Variants in KCNA10 observed in about 807,000 individuals in gnomAD.
KCNA10 encodes the protein cyclic GMP gated potassium channel.
KCNA10 carries 16 observed loss-of-function variants against 21.4 expected under a neutral mutation model. That is an observed-to-expected ratio of 0.75 (90% CI 0.51 to 1.14). KCNA10 has a LOEUF of 1.14. Ranked by LOEUF, KCNA10 falls within the 50% of genes most tolerant of loss-of-function variation. KCNA10 has a pLI of 0.00. For synonymous variants in KCNA10, 276 were observed against 245.9 expected (o/e 1.12, Z -1.15); for missense variants, 677 against 649.1 (o/e 1.04, Z -0.47).
chr1:110,517,500 T>C lies in KCNA10; in HGVS notation c.1288A>G (p.Thr430Ala), dbSNP rs200653853. The C allele has an allele frequency of 1.7e-4, 272 of 1,614,062 alleles. No individual in the cohort carries two copies. The highest frequency in any genetic ancestry group is 1.6e-4 in the Non-Finnish European group (188 of 1,179,996). Residue 430 changes from threonine to alanine, a missense_variant, in exon 1 of 1, where the codon ACC becomes GCC. Transcript: ENST00000369771. ...CCCACAATCTTCCCCCCTGGGGTGG[T>C]CGGGCACATGTCCCCATAGCCTACA... ...TTVGYGDMCPTTPGGKIVGTL... is the reference protein window; with the variant it reads ...TTVGYGDMCPATPGGKIVGTL...
Position 110,518,419 on chromosome 1 carries a change from G to C in KCNA10, c.369C>G (p.Asp123Glu). Residue 123 changes from aspartate (D) to glutamate (E), a missense_variant, in exon 1 of 1, where the codon GAC (aspartate) becomes GAG (glutamate). Physicochemically the swap from Asp to Glu is conservative, Grantham distance 45. Transcript: ENST00000369771. ...GDREKRMQFF[D>E]SMRNEYFFDR... is the part of the protein sequence containing the mutation. ...CAAAGAAATACTCATTTCTCATGGA[G>C]TCAAAGAACTGCATCCTTTTTTCCC... 3 of 1,614,194 alleles carry C rather than the reference G, an allele frequency of 1.9e-6. No individual in the cohort carries two copies. The highest frequency in any genetic ancestry group is 2.5e-6 in the Non-Finnish European group (3 of 1,180,014).
Position 110,518,826 on chromosome 1 carries a change from C to T in KCNA10, c.-39G>A. Reference sequence around the variant, plus strand: ...GGGAAGAAGCATGAAGATCCTCAGCCTTCACTGCCTGCTGTGAGCTATGGA... The same window carrying T: ...GGGAAGAAGCATGAAGATCCTCAGCTTTCACTGCCTGCTGTGAGCTATGGA... On this transcript the variant is annotated 5_prime_UTR_variant, in exon 1 of 1. Transcript: ENST00000369771. 2 of 1,448,356 alleles carry T rather than the reference C, an allele frequency of 1.4e-6. No homozygotes were observed. Among genetic ancestry groups the T allele is most frequent in the Non-Finnish European group, 9.3e-7 (1 of 1,080,956 alleles). 89.7% of individuals were successfully genotyped at this position (1,448,356 alleles called of 1,614,324 possible). A position where few individuals can be genotyped will look rare whatever the true frequency, so the allele number is the denominator to read the frequency against.
At position 110,518,156 on chromosome 1, in the gene KCNA10, C is replaced by A. The variant is rs764000292; in HGVS notation, c.632G>T (p.Ser211Ile). ...GGCCACAGCACGGGCAGCGCTGGAACTTTCAGGGTACTCAAAGAGGAGCCA... is the reference window on the plus strand; with the variant it reads ...GGCCACAGCACGGGCAGCGCTGGAAATTTCAGGGTACTCAAAGAGGAGCCA... ...QFWLLFEYPE[S>I]SSAARAVAVV... The change falls in exon 1 of 1, where the codon AGT becomes ATT. Residue 211 changes from serine to isoleucine, a missense_variant. Transcript: ENST00000369771. 3.1e-6 allele frequency: 5 copies of A among 1,613,468 alleles called. No homozygotes were observed. The highest frequency in any genetic ancestry group is 2.7e-5 in the African/African-American group (2 of 74,716).
chr1:110,518,587 C>T lies in KCNA10; in HGVS notation c.201G>A (p.Pro67=), dbSNP rs144111598. Residue 67 remains proline (P), a synonymous_variant, in exon 1 of 1, where the codon CCG becomes CCA. Transcript: ENST00000369771. Reference sequence around the variant, plus strand: ...GCCCTGGGGGGTCAGCATAGTCTCCCGGAAGCTTGGAGAAGGCCGTCTCAT... The same window carrying T: ...GCCCTGGGGGGTCAGCATAGTCTCCTGGAAGCTTGGAGAAGGCCGTCTCAT... ...TNHETAFSKL[P]GDYADPPGPE... is the part of the protein sequence containing the mutation. 61 of 1,614,032 alleles carry T rather than the reference C, an allele frequency of 3.8e-5. No individual in the cohort carries two copies. The highest frequency in any genetic ancestry group is 2.4e-4 in the African/African-American group (18 of 74,900).
chr1:110,518,247 C>CT lies in KCNA10; in HGVS notation c.540_541insA (p.Glu181ArgfsTer3). 6.2e-7 allele frequency: 1 copy of CT among 1,614,128 alleles called. No homozygotes were observed. Among genetic ancestry groups the CT allele is most frequent in the South Asian group, 1.1e-5 (1 of 91,080 alleles). On this transcript the variant is annotated frameshift_variant, in exon 1 of 1. Transcript: ENST00000369771. LOFTEE classifies it high-confidence loss of function. ...GGGTCTTTGATGAAGCCTTCATCCT[C>CT]CCGGAACTGGTCCATGGCCTCACTA...
rs780184227 is a variant in KCNA10, at chr1:110,518,295, C to T, written c.493G>A (p.Glu165Lys). 1 of 1,614,234 alleles carries T rather than the reference C, an allele frequency of 6.2e-7. No homozygotes were observed. The highest frequency in any genetic ancestry group is 1.1e-5 in the South Asian group (1 of 91,086). The change falls in exon 1 of 1, where the codon GAA becomes AAA. Residue 165 changes from glutamate (E) to lysine (K), a missense_variant. Physicochemically the swap from Glu to Lys is moderately conservative, Grantham distance 56 (BLOSUM62 1). Coordinates refer to ENST00000369771, the MANE Select transcript of KCNA10 (RefSeq NM_005549.2). ...ANVPIDIFAD[E>K]ISFYELGSEA... The stretch of plus-strand genomic sequence containing the variant: ...CTACCCAGCTCATAGAAGGAGATTT[C>T]ATCAGCAAAGATATCAATGGGAACA...
rs778020579 is a variant in KCNA10 at position 110,517,680 on chromosome 1, C to A, written c.1108G>T (p.Ala370Ser). 2 of 1,614,174 alleles carry A rather than the reference C, an allele frequency of 1.2e-6. No individual in the cohort carries two copies. Among genetic ancestry groups the A allele is most frequent in the Non-Finnish European group, 1.7e-6 (2 of 1,180,040 alleles). The part of the protein sequence containing the change: ...GLQILGQTLK[A>S]SMRELGLLIF... The stretch of plus-strand genomic sequence containing the variant: ...AGCAACCCCAACTCCCGCATGGACG[C>A]CTTCAGTGTTTGCCCGAGGATCTGC... Residue 370 changes from alanine to serine, a missense_variant, in exon 1 of 1, where the codon GCG becomes TCG. Physicochemically the swap from Ala to Ser is moderately conservative, Grantham distance 99 (BLOSUM62 1). Transcript: ENST00000369771.
In KCNA10 at chr1:110,517,662, C is replaced by T. The variant is rs1379830936; in HGVS notation, c.1126G>A (p.Gly376Arg). 9 of 1,614,144 alleles carry T rather than the reference C, an allele frequency of 5.6e-6. No individual in the cohort carries two copies. The highest frequency in any genetic ancestry group is 7.6e-6 in the Non-Finnish European group (9 of 1,180,028). ...ATGAAGAGAAAGAAGATGAGCAACC[C>T]CAACTCCCGCATGGACGCCTTCAGT... Reference protein sequence around the residue: ...QTLKASMRELGLLIFFLFIGV... With the variant: ...QTLKASMRELRLLIFFLFIGV... Residue 376 changes from glycine (G) to arginine (R), a missense_variant, in exon 1 of 1, where the codon GGG becomes AGG. Coordinates refer to ENST00000369771, the MANE Select transcript of KCNA10 (RefSeq NM_005549.2).
rs1333135094 is a variant in KCNA10 at position 110,518,506 on chromosome 1, C to A, written c.282G>T (p.Gly94=). The change falls in exon 1 of 1, where the codon GGG becomes GGT. Residue 94 remains glycine (G), a synonymous_variant. Transcript: ENST00000369771. ...TTCTGAGCTGGGTCTCAAATCTCAG[C>A]CCAGCAATGTTGATGATCACCCGCT... ...GNQRVIINIA[G]LRFETQLRTL... is the part of the protein sequence containing the mutation. 1 of 1,614,074 alleles carries A rather than the reference C, an allele frequency of 6.2e-7. No homozygotes were observed. Among genetic ancestry groups the A allele is most frequent in the African/African-American group, 1.3e-5 (1 of 74,928 alleles).
Position 110,517,747 on chromosome 1 carries a change from C to T in KCNA10, c.1041G>A (p.Arg347=), listed in dbSNP as rs1371853909. The T allele has an allele frequency of 1.2e-6, 2 of 1,614,036 alleles. No homozygotes were observed. The highest frequency in any genetic ancestry group is 1.7e-6 in the Non-Finnish European group (2 of 1,180,048). The stretch of plus-strand genomic sequence containing the variant: ...GCGAGAGCTTGAAGATGCGGAAGAC[C>T]CTCACCAGGCGGATGATCCTCAGGA... ...LAILRIIRLV[R]VFRIFKLSRH... Residue 347 remains arginine (R), a synonymous_variant, in exon 1 of 1, where the codon AGG becomes AGA. Coordinates refer to ENST00000369771, the MANE Select transcript of KCNA10 (RefSeq NM_005549.2).
rs1486766456 is a variant in KCNA10 at position 110,517,580 on chromosome 1, G to A, written c.1208C>T (p.Ser403Phe). Residue 403 changes from serine to phenylalanine, a missense_variant, in exon 1 of 1, where the codon TCC (serine) becomes TTC (phenylalanine). Transcript: ENST00000369771. ...GCCATCAGGAATGCTAGAGAAATGGGACTCTGGCTCATCCACCTCAGCAAA... is the reference window on the plus strand; with the variant it reads ...GCCATCAGGAATGCTAGAGAAATGGAACTCTGGCTCATCCACCTCAGCAAA... ...VYFAEVDEPE[S>F]HFSSIPDGFW... is the part of the protein sequence containing the mutation. The A allele has an allele frequency of 6.2e-7, 1 of 1,614,170 alleles. No individual in the cohort carries two copies. The highest frequency in any genetic ancestry group is 8.5e-7 in the Non-Finnish European group (1 of 1,180,032).
In KCNA10 at chr1:110,517,872, T is replaced by C. The variant is rs752180528; in HGVS notation, c.916A>G (p.Ile306Val). 20 of 1,614,078 alleles carry C rather than the reference T, an allele frequency of 1.2e-5. No homozygotes were observed. In the South Asian group the frequency reaches 1.4e-4, roughly 12 times the overall value. The change falls in exon 1 of 1, where the codon ATC becomes GTC. Residue 306 changes from isoleucine to valine, a missense_variant. Physicochemically the swap from Ile to Val is conservative, Grantham distance 29. Transcript: ENST00000369771. The part of the protein sequence containing the change: ...KTDFFRNIMN[I>V]IDIISIIPYF... Reference sequence around the variant, plus strand: ...GGGATAATGGAGATGATGTCAATGATGTTCATGATGTTCCTGAAGAAGTCA... The same window carrying C: ...GGGATAATGGAGATGATGTCAATGACGTTCATGATGTTCCTGAAGAAGTCA...
chr1:110,517,869 T>C lies in KCNA10; in HGVS notation c.919A>G (p.Ile307Val), dbSNP rs199955343. The change falls in exon 1 of 1, where the codon ATT (isoleucine) becomes GTT (valine). Residue 307 changes from isoleucine (I) to valine (V), a missense_variant. Ile to Val is a conservative substitution (Grantham distance 29). Transcript: ENST00000369771. ...TAGGGGATAATGGAGATGATGTCAA[T>C]GATGTTCATGATGTTCCTGAAGAAG... ...TDFFRNIMNIIDIISIIPYFA... is the reference protein window; with the variant it reads ...TDFFRNIMNIVDIISIIPYFA... 2.5e-6 allele frequency: 4 copies of C among 1,613,844 alleles called. No individual in the cohort carries two copies. In the African/African-American group the frequency reaches 5.3e-5, roughly 22 times the overall value.
chr1:110,518,837 G>C lies in KCNA10; in HGVS notation c.-50C>G. The C allele has an allele frequency of 7.1e-7, 1 of 1,406,150 alleles. No individual in the cohort carries two copies. Among genetic ancestry groups the C allele is most frequent in the Non-Finnish European group, 9.5e-7 (1 of 1,048,394 alleles). 87.1% of individuals were successfully genotyped at this position (1,406,150 alleles called of 1,614,324 possible). A position where few individuals can be genotyped will look rare whatever the true frequency, so the allele number is the denominator to read the frequency against. On this transcript the variant is annotated 5_prime_UTR_variant, in exon 1 of 1. Transcript: ENST00000369771. ...TGAAGATCCTCAGCCTTCACTGCCT[G>C]CTGTGAGCTATGGAGAAGAAGAAGT...
Position 110,518,285 on chromosome 1 carries a change from AAGG to A in KCNA10, c.500_502del (p.Ser167del). The A allele has an allele frequency of 6.2e-7, 1 of 1,614,196 alleles. No individual in the cohort carries two copies. Among genetic ancestry groups the A allele is most frequent in the Non-Finnish European group, 8.5e-7 (1 of 1,180,036 alleles). On this transcript the variant is annotated inframe_deletion, in exon 1 of 1. Transcript: ENST00000369771. ...CATGGCCTCACTACCCAGCTCATAG[AAGG>A]AGATTTCATCAGCAAAGATATCAAT...
chr1:110,518,147 G>T lies in KCNA10; in HGVS notation c.641C>A (p.Ala214Asp), dbSNP rs1647276700. 1 of 1,613,764 alleles carries T rather than the reference G, an allele frequency of 6.2e-7. No individual in the cohort carries two copies. The highest frequency in any genetic ancestry group is 1.7e-5 in the Admixed American group (1 of 59,992). ...LLFEYPESSS[A>D]ARAVAVVSVL... is the part of the protein sequence containing the mutation. ...CGAGACCACGGCCACAGCACGGGCAGCGCTGGAACTTTCAGGGTACTCAAA... is the reference window on the plus strand; with the variant it reads ...CGAGACCACGGCCACAGCACGGGCATCGCTGGAACTTTCAGGGTACTCAAA... The change falls in exon 1 of 1, where the codon GCT (alanine) becomes GAT (aspartate). Residue 214 changes from alanine to aspartate, a missense_variant. Physicochemically the swap from Ala to Asp is moderately radical, Grantham distance 126 (BLOSUM62 -2). Transcript: ENST00000369771.
In KCNA10 at chr1:110,517,455, C is replaced by T. The variant is rs1647241893; in HGVS notation, c.1333G>A (p.Gly445Arg). 6 of 1,614,178 alleles carry T rather than the reference C, an allele frequency of 3.7e-6. No homozygotes were observed. The highest frequency in any genetic ancestry group is 5.1e-6 in the Non-Finnish European group (6 of 1,180,022). ...KIVGTLCAIA[G>R]VLTIALPVPV... Reference sequence around the variant, plus strand: ...ACAGGGAGGGCAATGGTGAGGACCCCTGCAATGGCACACAGAGTGCCCACA... The same window carrying T: ...ACAGGGAGGGCAATGGTGAGGACCCTTGCAATGGCACACAGAGTGCCCACA... The change falls in exon 1 of 1, where the codon GGG (glycine) becomes AGG (arginine). Residue 445 changes from glycine (G) to arginine (R), a missense_variant. Gly to Arg is a moderately radical substitution (Grantham distance 125, BLOSUM62 -2). Transcript: ENST00000369771.
Position 110,519,004 on chromosome 1 carries a change from T to C in KCNA10, c.-217A>G, listed in dbSNP as rs1011483978. 6.7e-6 allele frequency: 3 copies of C among 444,572 alleles called. No homozygotes were observed. Among genetic ancestry groups the C allele is most frequent in the Middle Eastern group, 6.1e-4 (1 of 1,638 alleles). 27.5% of individuals were successfully genotyped at this position (444,572 alleles called of 1,614,324 possible). ...GGCAGCATGCTTCCCTTAAAATCATTTTGTACCCCTGAGTTTGCATAAACT... is the reference window on the plus strand; with the variant it reads ...GGCAGCATGCTTCCCTTAAAATCATCTTGTACCCCTGAGTTTGCATAAACT... On this transcript the variant is annotated 5_prime_UTR_variant, in exon 1 of 1. Coordinates refer to ENST00000369771, the MANE Select transcript of KCNA10 (RefSeq NM_005549.2).
Position 110,517,249 on chromosome 1 carries a change from T to C in KCNA10, c.*3A>G. On this transcript the variant is annotated 3_prime_UTR_variant, in exon 1 of 1. Coordinates refer to ENST00000369771, the MANE Select transcript of KCNA10 (RefSeq NM_005549.2). ...AGGATGGACCCAAGAAGCCCTGGAC[T>C]GATCATTTCCTAGACTTCTCTGTGG... The C allele has an allele frequency of 1.2e-6, 2 of 1,608,660 alleles. No homozygotes were observed. The highest frequency in any genetic ancestry group is 1.7e-6 in the Non-Finnish European group (2 of 1,175,404).
Sources: gnomAD v4.1 joint callset for allele counts on GRCh38, gnomAD v4.1.1 for gene constraint, MANE v1.5 for transcripts, NCBI Gene and HGNC (gene_info 2026-07-23, HGNC 2026-07-21) for gene names.